Variants in EYS observed in about 807,000 individuals in gnomAD.
EYS encodes protein eyes shut homolog.
Under a neutral mutation model 282.1 loss-of-function variants are expected in EYS, and 250 were observed. The observed-to-expected ratio is 0.89, with a 90% CI of 0.80 to 0.98. The LOEUF is 0.98. EYS is among the 50% of genes least tolerant of loss of function. The pLI, the probability that EYS is intolerant of heterozygous loss-of-function variation, is 0.00. For missense variants in EYS, 4,016 were observed against 3,709.0 expected (o/e 1.08, Z -2.15); for synonymous variants, 1,355 against 1,282.9 (o/e 1.06, Z -1.20).
In EYS at chr6:65,185,372, C is replaced by T. The variant is rs76796781; in HGVS notation, c.2023+110491G>A. Among the ~76,000 whole-genome samples, 1,029 of 151,918 alleles carry T rather than the reference C, an allele frequency of 6.8e-3. 6 individuals carry two copies. Among genetic ancestry groups the T allele is most frequent in the Non-Finnish European group, 0.012 (838 of 67,866 alleles). On this transcript the variant is annotated intron_variant, in intron 12 of 42. Coordinates refer to ENST00000503581, the MANE Select transcript of EYS (RefSeq NM_001142800.2). The stretch of plus-strand genomic sequence containing the variant: ...CATATTCAGAAATATCTATGGCAGC[C>T]ATTGCCACCAGCTCTGAAATCTTAG...
intron 12 of EYS, among the ~76,000 whole-genome samples, chr6:65,129,147 C>T (rs987911250): frequency 1.3e-5 from 2 of 151,970 alleles, no homozygotes; most frequent in Non-Finnish European, 2.9e-5. Flanking sequence ...CTATCTATCA[C>T]CATATACAAA....
intron 41 of EYS, among the ~76,000 whole-genome samples, chr6:63,728,486 A>G (rs1768698289): frequency 1.3e-5 from 2 of 151,986 alleles, no homozygotes. Context: ...GTTTCCATAT[A>G]CCCCTTGTCT....
At chr6:63,928,215 A>C (rs944117984) in intron 35 of EYS, among the ~76,000 whole-genome samples, 4 of 152,204 alleles carry the variant, frequency 2.6e-5, no homozygotes, top group Non-Finnish European at 5.9e-5. Context: ...GAGAAGGTTT[A>C]TGCTGACTTA....
intron 12 of EYS, among the ~76,000 whole-genome samples, chr6:65,149,949 C>T (rs1410721757): frequency 1.3e-5 from 2 of 152,074 alleles, no homozygotes; most frequent in African/African-American, 2.4e-5. Context: ...GCAAAATGTC[C>T]TTCTTCCCAA....
chr6:63,851,781 A>C (rs907363118), intron 36 of EYS, among the ~76,000 whole-genome samples: 2 of 152,172 alleles, frequency 1.3e-5, no homozygotes, highest in African/African-American at 2.4e-5. Context: ...AACAGCAAAC[A>C]AATTCAAAAG....
intron 12 of EYS, among the ~76,000 whole-genome samples, chr6:65,152,111 T>C (rs1322378203): frequency 1.3e-5 from 2 of 152,036 alleles, no homozygotes; most frequent in Non-Finnish European, 2.9e-5. Flanking sequence ...TTGTTCTTCA[T>C]AGTTGCACCC....
intron 33 of EYS, among the ~76,000 whole-genome samples, chr6:64,013,833 T>C (rs773226815): frequency 1.3e-5 from 2 of 152,172 alleles, no homozygotes; most frequent in Non-Finnish European, 2.9e-5. Context: ...AAAAAATTCT[T>C]TTTCTTTTTG....
intron 12 of EYS, among the ~76,000 whole-genome samples, chr6:65,059,711 C>T (rs2150158700): frequency 6.6e-6 from 1 of 152,092 alleles, no homozygotes; most frequent in South Asian, 2.1e-4. Flanking sequence ...CATTTAGATC[C>T]TGTAAAGAGG....
At chr6:64,326,357 A>G (rs1214157903) in intron 29 of EYS, among the ~76,000 whole-genome samples, 1 of 152,156 alleles carries the variant, frequency 6.6e-6, no homozygotes, top group African/African-American at 2.4e-5. Context: ...CAGGGTCACA[A>G]GACCAATAAG....
At chr6:64,547,647 G>C (rs577084888) in intron 26 of EYS, among the ~76,000 whole-genome samples, 1 of 152,354 alleles carries the variant, frequency 6.6e-6, no homozygotes, top group African/African-American at 2.4e-5. Context: ...AAACTCAGGA[G>C]CCCAGCTGGC....
At chr6:65,148,723 T>C (rs1764540981) in intron 12 of EYS, among the ~76,000 whole-genome samples, 1 of 152,092 alleles carries the variant, frequency 6.6e-6, no homozygotes, top group Non-Finnish European at 1.5e-5. Context: ...GCAGAGGTTC[T>C]CCATGAGGTC....
chr6:64,777,704 A>C (rs1773721740), intron 22 of EYS, among the ~76,000 whole-genome samples: 1 of 152,142 alleles, frequency 6.6e-6, no homozygotes, highest in African/African-American at 2.4e-5. Context: ...CCTTTGGTTC[A>C]TATATAAGGT....
chr6:65,397,376 A>G (rs1766318951), intron 7 of EYS, among the ~76,000 whole-genome samples: 2 of 151,844 alleles, frequency 1.3e-5, no homozygotes, highest in African/African-American at 4.8e-5. Context: ...CTCTCCCACC[A>G]TCCCACCTTT....
intron 36 of EYS, among the ~76,000 whole-genome samples, chr6:63,820,497 C>G (rs1771294216): frequency 6.6e-6 from 1 of 152,170 alleles, no homozygotes; most frequent in South Asian, 2.1e-4. Context: ...AGAATTTTCT[C>G]TCTTGGTTAA....
intron 12 of EYS, among the ~76,000 whole-genome samples, chr6:65,145,947 A>C (rs1764466374): frequency 6.6e-6 from 1 of 151,858 alleles, no homozygotes; most frequent in Non-Finnish European, 1.5e-5. Context: ...ACTCTATTCC[A>C]TTAAGTATAA....
chr6:65,008,638 C>G (rs1206087955), intron 13 of EYS, among the ~76,000 whole-genome samples: 1 of 152,194 alleles, frequency 6.6e-6, no homozygotes, highest in Admixed American at 6.5e-5. Context: ...CTTGTCCATA[C>G]CCCTTATGTC....
chr6:65,629,516 C>G (rs1220630924), intron 2 of EYS, among the ~76,000 whole-genome samples: 1 of 152,170 alleles, frequency 6.6e-6, no homozygotes, highest in East Asian at 1.9e-4. Flanking sequence ...AGCAGAACAG[C>G]TGATGCCAAC....
intron 13 of EYS, among the ~76,000 whole-genome samples, chr6:65,056,102 T>C (rs185809009): frequency 6.6e-6 from 1 of 152,214 alleles, no homozygotes; most frequent in Admixed American, 6.6e-5. Flanking sequence ...TAGTATGGAC[T>C]CTTACATATT....
At chr6:64,021,020 G>T (rs1310483294) in intron 33 of EYS, among the ~76,000 whole-genome samples, 3 of 151,936 alleles carry the variant, frequency 2.0e-5, no homozygotes, top group African/African-American at 7.3e-5. Flanking sequence ...CCACAAATGA[G>T]GAAACCTTAT....
Sources: gnomAD v4.1 joint callset for allele counts (sites outside exome capture counted in the v4.1 genomes callset) on GRCh38, gnomAD v4.1.1 for gene constraint, MANE v1.5 for transcripts, NCBI Gene and HGNC (gene_info 2026-07-23, HGNC 2026-07-21) for gene names.